Variants in PBX3 observed in about 807,000 individuals in gnomAD.
PBX3 encodes PBX homeobox 3.
A neutral mutation model predicts 48.5 loss-of-function variants in PBX3; 14 were observed. The ratio of observed to expected loss-of-function variants is 0.29; its 90% CI spans 0.19 to 0.45. The LOEUF is 0.45. PBX3 is among the 20% of genes least tolerant of loss of function. The pLI is 1.00. For missense variants in PBX3, 386 were observed against 546.7 expected (o/e 0.71, Z 2.93); for synonymous variants, 210 against 200.3 (o/e 1.05, Z -0.41).
At chr9:125,780,367 C>T (rs1837229122) in intron 2 of PBX3, among the ~76,000 whole-genome samples, 1 of 139,202 alleles carries the variant, frequency 7.2e-6, no homozygotes, top group Non-Finnish European at 1.6e-5. Flanking sequence ...GGGCGGGGAG[C>T]TGACCCCACC....
intron 2 of PBX3, among the ~76,000 whole-genome samples, chr9:125,837,723 T>C (rs940682702): frequency 1.1e-4 from 16 of 152,122 alleles, no homozygotes; most frequent in African/African-American, 3.9e-4. Context: ...CCCGAGCAGC[T>C]GGGACTACAG....
intron 2 of PBX3, among the ~76,000 whole-genome samples, chr9:125,786,356 G>A (rs1837457092): frequency 6.6e-6 from 1 of 152,136 alleles, no homozygotes; most frequent in Non-Finnish European, 1.5e-5. Context: ...GAAAACCAAT[G>A]GGCACAAAGT....
intron 2 of PBX3, among the ~76,000 whole-genome samples, chr9:125,839,369 C>T (rs751568287): frequency 6.6e-6 from 1 of 152,294 alleles, no homozygotes; most frequent in East Asian, 1.9e-4. Flanking sequence ...TACTCAGATT[C>T]AGAAGATCTC....
chr9:125,773,221 A>G (rs1253645171), intron 2 of PBX3, among the ~76,000 whole-genome samples: 1 of 152,190 alleles, frequency 6.6e-6, no homozygotes, highest in Non-Finnish European at 1.5e-5. Flanking sequence ...AGTGGGGTTA[A>G]AAAAGAGGAA....
chr9:125,940,891 A>G (rs1841946595), intron 5 of PBX3, among the ~76,000 whole-genome samples: 1 of 152,178 alleles, frequency 6.6e-6, no homozygotes, highest in African/African-American at 2.4e-5. Context: ...TTCCATGGGT[A>G]TGTTCACTTT....
At chr9:125,860,207 G>C (rs527565858) in intron 2 of PBX3, among the ~76,000 whole-genome samples, 5 of 152,316 alleles carry the variant, frequency 3.3e-5, no homozygotes, top group Admixed American at 2.6e-4. Context: ...CCTCCCATAA[G>C]TAAAGCAACT....
chr9:125,793,357 GAAAAA>G (rs374195121), intron 2 of PBX3, among the ~76,000 whole-genome samples: 2 of 109,068 alleles, frequency 1.8e-5, no homozygotes, highest in African/African-American at 7.9e-5. Flanking sequence ...ATTTGGGGGG[GAAAAA>G]AAAAATATAT....
In PBX3 at chr9:125,748,447, G is replaced by T; in HGVS notation, c.201-103G>T. On this transcript the variant is annotated intron_variant, in intron 1 of 8. Transcript: ENST00000373489. Reference sequence around the variant, plus strand: ...TCCCACGGTTCAAAAGGGCCTTCCAGAATGGGGGGCTGGAATTAAATCTTG... The same window carrying T: ...TCCCACGGTTCAAAAGGGCCTTCCATAATGGGGGGCTGGAATTAAATCTTG... 2.0e-6 allele frequency: 3 copies of T among 1,532,092 alleles called. No individual in the cohort carries two copies. In the South Asian group the frequency reaches 3.6e-5, roughly 18 times the overall value. 94.9% of individuals were successfully genotyped at this position (1,532,092 alleles called of 1,614,324 possible). A position where few individuals can be genotyped will look rare whatever the true frequency, so the allele number is the denominator to read the frequency against.
chr9:125,831,268 T>C (rs541211109), intron 2 of PBX3, among the ~76,000 whole-genome samples: 1 of 152,332 alleles, frequency 6.6e-6, no homozygotes, highest in Admixed American at 6.5e-5. Context: ...GATTGATCAG[T>C]GGATTAGGTA....
chr9:125,750,742 C>T (rs574145872), intron 2 of PBX3, among the ~76,000 whole-genome samples: 36 of 152,272 alleles, frequency 2.4e-4, no homozygotes, highest in African/African-American at 7.9e-4. Context: ...AGCCAACAGC[C>T]GACAAAGAGT....
At chr9:125,831,006 A>G (rs1017010729) in intron 2 of PBX3, among the ~76,000 whole-genome samples, 8 of 152,194 alleles carry the variant, frequency 5.3e-5, no homozygotes, top group African/African-American at 1.9e-4. Context: ...GTGCAGATTC[A>G]CATTCCTTCC....
At chr9:125,959,625 A>G (rs1046186078) in intron 5 of PBX3, among the ~76,000 whole-genome samples, 2 of 152,172 alleles carry the variant, frequency 1.3e-5, no homozygotes, top group African/African-American at 4.8e-5. Context: ...CAAACTACAT[A>G]CTACTCCTTA....
chr9:125,823,571 G>A (rs1373241245), intron 2 of PBX3, among the ~76,000 whole-genome samples: 1 of 151,554 alleles, frequency 6.6e-6, no homozygotes, highest in African/African-American at 2.4e-5. Context: ...AAGTTTTAAA[G>A]GCTAAATAGT....
chr9:125,750,489 T>C (rs1231127144), intron 2 of PBX3, among the ~76,000 whole-genome samples: 1 of 152,224 alleles, frequency 6.6e-6, no homozygotes, highest in Non-Finnish European at 1.5e-5. Context: ...GAAAGGAAAG[T>C]ATAGTCAACC....
intron 2 of PBX3, among the ~76,000 whole-genome samples, chr9:125,886,432 A>C (rs528649182): frequency 6.6e-6 from 1 of 152,116 alleles, no homozygotes; most frequent in East Asian, 1.9e-4. Context: ...TGAAGGTTCA[A>C]ACAGTTTCAA....
At chr9:125,932,666 T>C (rs184589330) in intron 4 of PBX3, among the ~76,000 whole-genome samples, 1 of 152,360 alleles carries the variant, frequency 6.6e-6, no homozygotes, top group Non-Finnish European at 1.5e-5. Flanking sequence ...GTAACAAAGA[T>C]AGTAAAACAT....
chr9:125,760,278 T>A (rs1836630349), intron 2 of PBX3, among the ~76,000 whole-genome samples: 1 of 152,216 alleles, frequency 6.6e-6, no homozygotes, highest in Non-Finnish European at 1.5e-5. Context: ...AATTGTAAAT[T>A]TCAGTTCTCA....
At chr9:125,778,552 C>T (rs111729632) in intron 2 of PBX3, among the ~76,000 whole-genome samples, 3,865 of 151,714 alleles carry the variant, frequency 0.025, 64 homozygotes, top group Middle Eastern at 0.048. Context: ...CCACTGCGCC[C>T]GGCCTTTTTT....
intron 2 of PBX3, among the ~76,000 whole-genome samples, chr9:125,908,337 G>A (rs1214358675): frequency 6.6e-6 from 1 of 151,990 alleles, no homozygotes; most frequent in African/African-American, 2.4e-5. Flanking sequence ...TTCACAGCAT[G>A]GCAGTGATCT....
Sources: allele counts gnomAD v4.1 joint callset (sites outside exome capture counted in the v4.1 genomes callset), GRCh38; gene constraint gnomAD v4.1.1; transcripts MANE v1.5; gene names NCBI Gene and HGNC (gene_info 2026-07-23, HGNC 2026-07-21).